Variants in ADGRV1 observed in about 807,000 individuals in gnomAD.
ADGRV1 encodes the protein G-protein coupled receptor 98.
ADGRV1 carries 359 observed loss-of-function variants against 596.2 expected under a neutral mutation model. The observed-to-expected ratio is 0.60, with a 90% CI of 0.55 to 0.66. ADGRV1 has a LOEUF of 0.66. Ranked by LOEUF, ADGRV1 falls within the 30% of genes least tolerant of loss-of-function variation. ADGRV1 has a pLI of 0.00. For missense variants in ADGRV1, 7,274 were observed against 7,575.6 expected, an observed-to-expected ratio of 0.96 and a Z score of 1.48; for synonymous variants, 2,681 against 2,679.2, an observed-to-expected ratio of 1.00 and a Z score of -0.02.
chr5:90,579,199 C>T (rs577135743), intron 1 of ADGRV1, among the ~76,000 whole-genome samples: 12 of 152,116 alleles, frequency 7.9e-5, no homozygotes, highest in Admixed American at 3.9e-4. Flanking sequence ...TGTGATGTTA[C>T]GGTGCCGATT....
chr5:90,584,811 T>C (rs748110679), intron 1 of ADGRV1, among the ~76,000 whole-genome samples: 1 of 152,196 alleles, frequency 6.6e-6, no homozygotes, highest in African/African-American at 2.4e-5. Flanking sequence ...TAAGTTCTAC[T>C]ATATTTTATT....
intron 87 of ADGRV1, among the ~76,000 whole-genome samples, chr5:91,130,489 T>C (rs1794119755): frequency 8.3e-6 from 1 of 120,424 alleles, no homozygotes; most frequent in South Asian, 2.8e-4. Flanking sequence ...GCCATTGCAC[T>C]CCAGCCTGGG....
chr5:90,785,200 A>G (rs1759295431), intron 67 of ADGRV1, among the ~76,000 whole-genome samples: 1 of 152,214 alleles, frequency 6.6e-6, no homozygotes, highest in Non-Finnish European at 1.5e-5. Context: ...CTGGCTAGCC[A>G]TATGTAGAAA....
At chr5:90,786,822 C>T (rs1015337545) in intron 67 of ADGRV1, among the ~76,000 whole-genome samples, 5 of 152,202 alleles carry the variant, frequency 3.3e-5, no homozygotes, top group South Asian at 2.1e-4. Context: ...CTGTTTTGGG[C>T]GTGTTCTTCT....
At chr5:90,687,516 C>T (rs1486894611) in intron 29 of ADGRV1, among the ~76,000 whole-genome samples, 2 of 152,072 alleles carry the variant, frequency 1.3e-5, no homozygotes, top group African/African-American at 2.4e-5. Context: ...TCTCACCACT[C>T]GTATTCAACA....
At chr5:90,805,853 T>G (rs768519671) in intron 72 of ADGRV1, among the ~76,000 whole-genome samples, 2 of 152,200 alleles carry the variant, frequency 1.3e-5, no homozygotes, top group Non-Finnish European at 2.9e-5. Flanking sequence ...TTTAGATACT[T>G]TATTTTTTAA....
At chr5:91,151,554 G>A (rs917853632) in intron 88 of ADGRV1, among the ~76,000 whole-genome samples, 2 of 152,112 alleles carry the variant, frequency 1.3e-5, no homozygotes, top group Admixed American at 1.3e-4. Flanking sequence ...ATCACAGCAG[G>A]CCCAATGGAA....
intron 63 of ADGRV1, 102 bp downstream of exon 63, chr5:90,778,711 C>T (rs1581095822): frequency 9.4e-7 from 1 of 1,068,020 alleles, no homozygotes; most frequent in Non-Finnish European, 1.3e-6. Context: ...GATTAATTTG[C>T]TCCAAACATC....
chr5:90,740,381 C>A, intron 50 of ADGRV1, among the ~76,000 whole-genome samples: 1 of 152,168 alleles, frequency 6.6e-6, no homozygotes, highest in East Asian at 1.9e-4. Context: ...TACTCTAGAG[C>A]TTGGTTGGGT....
At chr5:90,899,750 A>ATC (rs35579696) in intron 83 of ADGRV1, among the ~76,000 whole-genome samples, 36,333 of 151,888 alleles carry the variant, frequency 0.24, 5,516 homozygotes, top group East Asian at 0.49. Flanking sequence ...TTACCAACCT[A>ATC]TCATACCTTC....
intron 2 of ADGRV1, among the ~76,000 whole-genome samples, chr5:90,616,754 G>A (rs966028076): frequency 2.6e-5 from 4 of 152,164 alleles, no homozygotes; most frequent in Admixed American, 6.5e-5. Context: ...TGTGTTGGAA[G>A]CATTATAATT....
rs376453558 is a variant in ADGRV1, at chr5:90,635,068, A to G, written c.1840-46A>G. 6.7e-4 allele frequency: 874 copies of G among 1,294,962 alleles called. 2 individuals are homozygous for G. The highest frequency in any genetic ancestry group is 2.7e-4 in the Non-Finnish European group (245 of 920,180). 80.2% of individuals were successfully genotyped at this position (1,294,962 alleles called of 1,614,324 possible). ...GCTGTTAAGCTTTTTTAAAAAATTT[A>G]TATTCTATCAATTCTTACTACTTTT... is the stretch of plus-strand genomic sequence containing the variant. On this transcript the variant is annotated intron_variant, in intron 9 of 89. Coordinates refer to ENST00000405460, the MANE Select transcript of ADGRV1 (RefSeq NM_032119.4).
At chr5:90,763,232 T>A in intron 58 of ADGRV1, 73 bp from the exon 59 acceptor site, 1 of 1,177,750 alleles carries the variant, frequency 8.5e-7, no homozygotes, top group South Asian at 2.7e-5. Context: ...TAAACAGAAA[T>A]AAGATTCTAC....
intron 83 of ADGRV1, among the ~76,000 whole-genome samples, chr5:90,888,297 C>T (rs1363674588): frequency 6.6e-6 from 1 of 152,062 alleles, no homozygotes; most frequent in African/African-American, 2.4e-5. Context: ...CATTTTTAAG[C>T]AGAAATATTT....
intron 68 of ADGRV1, among the ~76,000 whole-genome samples, chr5:90,788,835 CAGT>C (rs955550786): frequency 3.8e-4 from 57 of 151,096 alleles, no homozygotes; most frequent in Admixed American, 2.0e-3. Flanking sequence ...GAAACAAAAC[CAGT>C]AGGACAGACA....
At chr5:91,159,973 G>A (rs1421265292) in intron 89 of ADGRV1, among the ~76,000 whole-genome samples, 1 of 152,080 alleles carries the variant, frequency 6.6e-6, no homozygotes, top group Non-Finnish European at 1.5e-5. Flanking sequence ...GGAACATATT[G>A]GGCTTAGAAA....
At position 91,134,157 on chromosome 5, in the gene ADGRV1, A is replaced by G. The variant is rs538154013; in HGVS notation, c.18433-15873A>G. ...CAGAGAACTCTGTTTCTTCTGGGTC[A>G]TATGTTTTAAAGGAATGACCTGCTG... is the stretch of plus-strand genomic sequence containing the variant. On this transcript the variant is annotated intron_variant, in intron 87 of 89. Transcript: ENST00000405460. 2.6e-5 allele frequency among the ~76,000 whole-genome samples: 4 copies of G among 152,204 alleles called. No homozygotes were observed. The South Asian group carries it at 8.3e-4, about 32-fold the overall frequency.
At chr5:90,774,847 TA>T (rs1389150605) in intron 60 of ADGRV1, among the ~76,000 whole-genome samples, 1 of 152,204 alleles carries the variant, frequency 6.6e-6, no homozygotes, top group African/African-American at 2.4e-5. Flanking sequence ...TGATTACCTA[TA>T]TTTTCTAAAC....
intron 70 of ADGRV1, among the ~76,000 whole-genome samples, chr5:90,797,336 G>A (rs1401327500): frequency 1.4e-5 from 2 of 141,862 alleles, no homozygotes; most frequent in African/African-American, 5.3e-5. Flanking sequence ...CCTAATCTCT[G>A]ATGAAACAGA....
Sources: allele counts gnomAD v4.1 joint callset (sites outside exome capture counted in the v4.1 genomes callset), GRCh38; gene constraint gnomAD v4.1.1; transcripts MANE v1.5; gene names NCBI Gene and HGNC (gene_info 2026-07-23, HGNC 2026-07-21).